RASAL2: variants seen among roughly 807,000 people sequenced by gnomAD.
The protein encoded by RASAL2 is RAS protein activator like 2, also known as ras GTPase-activating protein nGAP.
In RASAL2, 58 loss-of-function variants were observed where a neutral mutation model predicts 128.9. That is an observed-to-expected ratio of 0.45 (90% CI 0.36 to 0.56). The LOEUF (loss-of-function observed/expected upper bound fraction) is 0.56, where lower values mean the gene tolerates loss of function less well. Among genes scored for constraint, RASAL2 ranks in the 20% least tolerant of loss-of-function variants. The pLI is 0.00. For missense variants in RASAL2, 1,360 were observed against 1,601.6 expected (o/e 0.85, Z 2.57); for synonymous variants, 561 against 580.8 (o/e 0.97, Z 0.49).
At position 178,095,856 on chromosome 1, in the gene RASAL2, G is replaced by T. The variant is rs140003382; in HGVS notation, c.202+1162G>T. ...TGGGGCAGATCGAGTCACATTTTTG[G>T]CTTGTGATTCCTCATCTGTAAAGTG... On this transcript the variant is annotated intron_variant, in intron 1 of 17. Coordinates refer to ENST00000367649, the MANE Select transcript of RASAL2 (RefSeq NM_170692.4). Among the ~76,000 whole-genome samples the T allele has an allele frequency of 6.1e-3, 924 of 152,182 alleles. 7 individuals carry two copies. The highest frequency in any genetic ancestry group is 9.1e-3 in the Non-Finnish European group (619 of 68,000).
chr1:178,418,788 A>C (rs1279889978), intron 4 of RASAL2, among the ~76,000 whole-genome samples: 1 of 152,202 alleles, frequency 6.6e-6, no homozygotes, highest in Non-Finnish European at 1.5e-5. Context: ...AGATATGGTC[A>C]CGTGATTGTT....
At chr1:178,220,584 G>T (rs1334376437) in intron 1 of RASAL2, among the ~76,000 whole-genome samples, 3 of 152,138 alleles carry the variant, frequency 2.0e-5, no homozygotes, top group Non-Finnish European at 2.9e-5. Context: ...ATTGACACAG[G>T]GTTGCCACAA....
intron 5 of RASAL2, among the ~76,000 whole-genome samples, chr1:178,436,289 G>T (rs1557987332): frequency 2.0e-5 from 3 of 151,930 alleles, no homozygotes. Context: ...CGTGACTTTG[G>T]TTTTCAATTC....
At chr1:178,141,698 T>C (rs1307477149) in intron 1 of RASAL2, among the ~76,000 whole-genome samples, 1 of 152,142 alleles carries the variant, frequency 6.6e-6, no homozygotes, top group East Asian at 1.9e-4. Context: ...CATCGGAGCA[T>C]GGGCTAGCAG....
intron 3 of RASAL2, among the ~76,000 whole-genome samples, chr1:178,302,420 A>G (rs1000144792): frequency 7.2e-5 from 11 of 152,242 alleles, no homozygotes; most frequent in African/African-American, 2.4e-4. Flanking sequence ...CATGATAACA[A>G]ATTCCTAGGG....
At chr1:178,174,064 G>T (rs181949821) in intron 1 of RASAL2, among the ~76,000 whole-genome samples, 1 of 151,934 alleles carries the variant, frequency 6.6e-6, no homozygotes, top group East Asian at 1.9e-4. Flanking sequence ...CTTAGTTGAT[G>T]CAGCCTCTTC....
At chr1:178,244,774 T>C (rs890735795) in intron 1 of RASAL2, among the ~76,000 whole-genome samples, 2 of 152,102 alleles carry the variant, frequency 1.3e-5, no homozygotes, top group Admixed American at 6.5e-5. Flanking sequence ...CCCCTCCCTA[T>C]GTCCATGTGT....
chr1:178,179,645 A>G (rs1662018703), intron 1 of RASAL2, among the ~76,000 whole-genome samples: 1 of 152,236 alleles, frequency 6.6e-6, no homozygotes, highest in African/African-American at 2.4e-5. Flanking sequence ...CACAAGTTTT[A>G]TCAAAATGGC....
intron 5 of RASAL2, among the ~76,000 whole-genome samples, chr1:178,422,536 G>A (rs1287490416): frequency 6.6e-6 from 1 of 152,006 alleles, no homozygotes; most frequent in Admixed American, 6.6e-5. Flanking sequence ...ACTCAATATA[G>A]TTTGAATGTG....
intron 1 of RASAL2, among the ~76,000 whole-genome samples, chr1:178,243,539 T>G (rs972169315): frequency 1.9e-4 from 29 of 151,800 alleles, no homozygotes; most frequent in African/African-American, 7.0e-4. Flanking sequence ...CCTGGCTGCT[T>G]ATTGTCTGTT....
chr1:178,197,631 A>T (rs958997789), intron 1 of RASAL2, among the ~76,000 whole-genome samples: 3 of 149,256 alleles, frequency 2.0e-5, no homozygotes, highest in Non-Finnish European at 4.4e-5. Context: ...AAAAAAAAAA[A>T]GTTAAACATG....
chr1:178,123,665 T>C (rs1407189012), intron 1 of RASAL2: 5 of 152,050 alleles, frequency 3.3e-5, no homozygotes, highest in Non-Finnish European at 7.3e-5. Context: ...AAATGTGAGG[T>C]TTTAAATTTG....
chr1:178,247,205 T>C (rs556992363), intron 1 of RASAL2, among the ~76,000 whole-genome samples: 137 of 152,308 alleles, frequency 9.0e-4, no homozygotes, highest in South Asian at 2.3e-3. Context: ...CTGGGCTTTT[T>C]TTTGTTGGTA....
At chr1:178,447,403 G>A (rs762967406) in intron 9 of RASAL2, among the ~76,000 whole-genome samples, 6 of 152,090 alleles carry the variant, frequency 3.9e-5, no homozygotes, top group Admixed American at 6.5e-5. Flanking sequence ...GCTGGGCGCG[G>A]TGGCTCACAC....
chr1:178,383,339 A>G (rs972106388), intron 3 of RASAL2, among the ~76,000 whole-genome samples: 5 of 152,196 alleles, frequency 3.3e-5, no homozygotes, highest in South Asian at 2.1e-4. Context: ...CTTGTGGCTG[A>G]CAGTGCATAG....
At chr1:178,384,026 A>G (rs1423384781) in intron 3 of RASAL2, among the ~76,000 whole-genome samples, 2 of 152,240 alleles carry the variant, frequency 1.3e-5, no homozygotes, top group African/African-American at 4.8e-5. Flanking sequence ...AAACTGAAGA[A>G]TTCACTTTAT....
intron 4 of RASAL2, among the ~76,000 whole-genome samples, chr1:178,406,511 A>G (rs1472638903): frequency 6.6e-6 from 1 of 152,204 alleles, no homozygotes; most frequent in Non-Finnish European, 1.5e-5. Context: ...TACAGCATAC[A>G]TTTATCAAAA....
chr1:178,369,566 C>T (rs945325069), intron 3 of RASAL2, among the ~76,000 whole-genome samples: 1 of 152,070 alleles, frequency 6.6e-6, no homozygotes, highest in African/African-American at 2.4e-5. Context: ...AAGGCAAATT[C>T]ATAGGGCTGG....
intron 1 of RASAL2, among the ~76,000 whole-genome samples, chr1:178,247,148 C>A (rs1189711346): frequency 6.6e-6 from 1 of 152,180 alleles, no homozygotes; most frequent in Non-Finnish European, 1.5e-5. Flanking sequence ...ATTGTACCAG[C>A]TCCTCTTTGT....
Sources: allele counts gnomAD v4.1 joint callset (sites outside exome capture counted in the v4.1 genomes callset), GRCh38; gene constraint gnomAD v4.1.1; transcripts MANE v1.5; gene names NCBI Gene and HGNC (gene_info 2026-07-23, HGNC 2026-07-21).